DPEP1: variants seen among roughly 807,000 people sequenced by gnomAD.
The protein encoded by DPEP1 is beta-lactamase.
In DPEP1, 50 loss-of-function variants were observed where a neutral mutation model predicts 42.3. That is an observed-to-expected ratio of 1.18 (90% CI 0.94 to 1.50). DPEP1 has a LOEUF of 1.50. Among genes scored for constraint, DPEP1 ranks in the 40% most tolerant of loss-of-function variants. The pLI is 0.00. For synonymous variants in DPEP1, 297 were observed against 234.0 expected (o/e 1.27, Z -2.46); for missense variants, 663 against 553.0 (o/e 1.20, Z -1.99).
chr16:89,628,384 A>AGTAGCTG (rs2059544741), intron 1 of DPEP1, among the ~76,000 whole-genome samples: 1 of 148,346 alleles, frequency 6.7e-6, no homozygotes, highest in East Asian at 2.0e-4. Context: ...CAGCCTCCCG[A>AGTAGCTG]GTAGCTGGGA....
chr16:89,630,454 C>G lies in DPEP1; in HGVS notation c.44C>G (p.Thr15Ser), dbSNP rs1447081986. The change falls in exon 2 of 11, where the codon ACT becomes AGT. Residue 15 changes from threonine (T) to serine (S), a missense_variant. Thr to Ser is a moderately conservative substitution (Grantham distance 58). Coordinates refer to ENST00000690203, the MANE Select transcript of DPEP1 (RefSeq NM_001389466.1). ...WWLWPLVAVC[T>S]ADFFRDEAER... is the part of the protein sequence containing the mutation. ...CTGTGGCCCCTTGTGGCCGTCTGCA[C>G]TGCAGACTTCTTTCGGGACGAGGCA... The G allele has an allele frequency of 6.2e-7, 1 of 1,611,542 alleles. No homozygotes were observed. The highest frequency in any genetic ancestry group is 2.2e-5 in the East Asian group (1 of 44,784).
intron 2 of DPEP1, among the ~76,000 whole-genome samples, chr16:89,634,510 T>G (rs559010158): frequency 9.3e-5 from 14 of 151,302 alleles, no homozygotes; most frequent in African/African-American, 2.9e-4. Context: ...CAGCCCCAGC[T>G]CCCCCTTCCT....
chr16:89,625,043 T>A (rs988953232), intron 1 of DPEP1, among the ~76,000 whole-genome samples: 2 of 152,136 alleles, frequency 1.3e-5, no homozygotes, highest in Non-Finnish European at 2.9e-5. Context: ...CTACTGGGCG[T>A]GGGGCTCTTC....
At chr16:89,624,590 A>G (rs2059484608) in intron 1 of DPEP1, among the ~76,000 whole-genome samples, 1 of 151,558 alleles carries the variant, frequency 6.6e-6, no homozygotes, top group Non-Finnish European at 1.5e-5. Context: ...GCTGGAGTGC[A>G]GTGGCGCCAT....
At chr16:89,637,000 A>G in intron 6 of DPEP1, 65 bp downstream of exon 6, 1 of 1,593,316 alleles carries the variant, frequency 6.3e-7, no homozygotes, top group Middle Eastern at 1.7e-4. Flanking sequence ...GGGTGACCAG[A>G]ACAATGCATC....
chr16:89,625,287 TCTC>T (rs1367264004), intron 1 of DPEP1, among the ~76,000 whole-genome samples: 20 of 152,036 alleles, frequency 1.3e-4, no homozygotes. Flanking sequence ...CAGACCCTAT[TCTC>T]CTGCTCCCAG....
intron 1 of DPEP1, among the ~76,000 whole-genome samples, chr16:89,621,191 G>T (rs1271245449): frequency 6.6e-6 from 1 of 152,040 alleles, no homozygotes; most frequent in Non-Finnish European, 1.5e-5. Flanking sequence ...CTGGGAGCCT[G>T]TTGGGAAGTC....
In DPEP1 at chr16:89,635,871, C is replaced by T. The variant is rs748911026; in HGVS notation, c.105-37C>T. 12 of 1,559,396 alleles carry T rather than the reference C, an allele frequency of 7.7e-6. No homozygotes were observed. In the East Asian group the frequency reaches 1.6e-4, roughly 20 times the overall value. The stretch of plus-strand genomic sequence containing the variant: ...TCGGAAGCCCCCAGGTCCCAGTGGC[C>T]GCCCTGACTGCCTGGCCTCTCCCCG... On this transcript the variant is annotated intron_variant, in intron 2 of 10. Transcript: ENST00000690203.
chr16:89,629,179 A>AT (rs1221208315), intron 1 of DPEP1, among the ~76,000 whole-genome samples: 1 of 152,006 alleles, frequency 6.6e-6, no homozygotes, highest in Non-Finnish European at 1.5e-5. Flanking sequence ...ATGAATTCTG[A>AT]TTTTTTTAAA....
At chr16:89,621,703 G>A (rs760624616) in intron 1 of DPEP1, among the ~76,000 whole-genome samples, 6 of 152,336 alleles carry the variant, frequency 3.9e-5, no homozygotes, top group Admixed American at 1.3e-4. Flanking sequence ...GCGCGTGTGC[G>A]GCTCACCTGT....
Position 89,636,019 on chromosome 16 carries a change from G to T in DPEP1, c.216G>T (p.Arg72Ser). 6.2e-7 allele frequency: 1 copy of T among 1,610,886 alleles called. No homozygotes were observed. The highest frequency in any genetic ancestry group is 1.3e-5 in the African/African-American group (1 of 75,000). ...CACACACCAACATCCCCAAGCTGAGGGCCGGCTTTGTGGGAGGCCAGGTAC... is the reference window on the plus strand; with the variant it reads ...CACACACCAACATCCCCAAGCTGAGTGCCGGCTTTGTGGGAGGCCAGGTAC... ...AGTHTNIPKL[R>S]AGFVGGQFWS... Residue 72 changes from arginine to serine, a missense_variant, in exon 3 of 11, where the codon AGG becomes AGT. Physicochemically the swap from Arg to Ser is moderately radical, Grantham distance 110. Transcript: ENST00000690203.
chr16:89,618,479 A>G (rs1473760702), intron 1 of DPEP1, among the ~76,000 whole-genome samples: 1 of 152,252 alleles, frequency 6.6e-6, no homozygotes, highest in East Asian at 1.9e-4. Context: ...TGGCCACCCA[A>G]AGTGCTGGGA....
intron 2 of DPEP1, among the ~76,000 whole-genome samples, chr16:89,635,454 G>A (rs1015877432): frequency 6.6e-6 from 1 of 152,144 alleles, no homozygotes; most frequent in South Asian, 2.1e-4. Context: ...AGGTCAGGCC[G>A]TTCCAATTAC....
At chr16:89,626,457 TCTC>T (rs1314926127) in intron 1 of DPEP1, 1 of 152,112 alleles carries the variant, frequency 6.6e-6, no homozygotes, top group Non-Finnish European at 1.5e-5. Context: ...TTCAAGCAAT[TCTC>T]CTGCCTCAGC....
At chr16:89,640,694 C>T (rs773453134), downstream of DPEP1, 28 of 954,148 alleles carry the variant, frequency 2.9e-5, no homozygotes, top group Non-Finnish European at 3.4e-5. Flanking sequence ...TCGGGGGGTC[C>T]CTGGTGGGCT....
chr16:89,640,674 G>C, downstream of DPEP1: 1 of 982,712 alleles, frequency 1.0e-6, no homozygotes, highest in Non-Finnish European at 1.2e-6. Context: ...TTCCGTCTGG[G>C]ATTGGAGACT....
chr16:89,635,202 C>T (rs574575061), intron 2 of DPEP1, among the ~76,000 whole-genome samples: 1,909 of 125,840 alleles, frequency 0.015, 170 homozygotes, highest in African/African-American at 0.059. Flanking sequence ...CTTCTCCTTT[C>T]CCCTTCCTTC....
intron 1 of DPEP1, among the ~76,000 whole-genome samples, chr16:89,614,720 G>T (rs192832891): frequency 5.5e-4 from 83 of 152,218 alleles, no homozygotes; most frequent in Non-Finnish European, 1.0e-3. Flanking sequence ...GCGTGAACCC[G>T]GGAGGCGGAG....
chr16:89,618,768 C>T lies in DPEP1; in HGVS notation c.-107+5049C>T, dbSNP rs181406124. Among the ~76,000 whole-genome samples the T allele has an allele frequency of 3.9e-5, 6 of 152,136 alleles. No homozygotes were observed. In the East Asian group the frequency reaches 9.6e-4, roughly 24 times the overall value. ...GCACTGTTCCCCGGGCAAAGTTGCA[C>T]AATTCGCATTTTGTAACTTATAGAT... is the stretch of plus-strand genomic sequence containing the variant. On this transcript the variant is annotated intron_variant, in intron 1 of 10. Transcript: ENST00000690203.
Sources: gnomAD v4.1 joint callset for allele counts (sites outside exome capture counted in the v4.1 genomes callset) on GRCh38, gnomAD v4.1.1 for gene constraint, MANE v1.5 for transcripts, NCBI Gene and HGNC (gene_info 2026-07-23, HGNC 2026-07-21) for gene names.